The following PKHD1L1 variants were observed in gnomAD, a reference collection of about 807,000 sequenced individuals.
The protein encoded by PKHD1L1 is PKHD1 like 1, also known as fibrocystin-L.
In PKHD1L1, 434 loss-of-function variants were observed where a neutral mutation model predicts 462.9. The ratio of observed to expected loss-of-function variants is 0.94; its 90% CI spans 0.87 to 1.02. The LOEUF (loss-of-function observed/expected upper bound fraction) is 1.02, where lower values mean the gene tolerates loss of function less well. Ranked by LOEUF, PKHD1L1 falls within the 50% of genes least tolerant of loss-of-function variation. The pLI, the probability that PKHD1L1 is intolerant of heterozygous loss-of-function variation, is 0.00. For missense variants in PKHD1L1, 5,202 were observed against 5,096.1 expected (o/e 1.02, Z -0.63); for synonymous variants, 1,781 against 1,750.0 (o/e 1.02, Z -0.44).
At chr8:109,373,160 T>G (rs1811609412) in intron 2 of PKHD1L1, among the ~76,000 whole-genome samples, 1 of 152,202 alleles carries the variant, frequency 6.6e-6, no homozygotes, top group South Asian at 2.1e-4. Context: ...GGTAAGCTAT[T>G]AATTATTGCC....
chr8:109,395,401 G>T (rs1812918783), intron 10 of PKHD1L1, among the ~76,000 whole-genome samples: 1 of 152,202 alleles, frequency 6.6e-6, no homozygotes, highest in African/African-American at 2.4e-5. Context: ...GTTAAAAAAG[G>T]TGGGTCTTGG....
chr8:109,372,841 C>T (rs1169080474), intron 2 of PKHD1L1, among the ~76,000 whole-genome samples: 1 of 152,170 alleles, frequency 6.6e-6, no homozygotes, highest in Non-Finnish European at 1.5e-5. Context: ...AGCCTTGCAT[C>T]CCAGGGATGA....
At chr8:109,446,584 G>T (rs1344905923) in intron 38 of PKHD1L1, among the ~76,000 whole-genome samples, 15 of 152,152 alleles carry the variant, frequency 9.9e-5, no homozygotes, top group African/African-American at 3.6e-4. Context: ...CAACGAGTTT[G>T]CTGTCGAAAT....
intron 5 of PKHD1L1, 68 bp from the exon 6 acceptor site, chr8:109,385,468 GT>G: frequency 1.0e-6 from 1 of 985,390 alleles, no homozygotes; most frequent in Admixed American, 2.6e-5. Flanking sequence ...AATCTCTTAT[GT>G]TTTCGTATTA....
At position 109,488,480 on chromosome 8, in the gene PKHD1L1, TA is replaced by T. The variant is rs573043003; in HGVS notation, c.9881-1470del. 1.8e-3 allele frequency among the ~76,000 whole-genome samples: 279 copies of T among 152,116 alleles called. 1 individual carries two copies. Among genetic ancestry groups the T allele is most frequent in the African/African-American group, 6.5e-3 (268 of 41,532 alleles). ...GCAAGCACATATTGTAATTTTTTTC[TA>T]AGACTGGAACTCATTGTTCCTCCAA... On this transcript the variant is annotated intron_variant, in intron 59 of 77. Coordinates refer to ENST00000378402, the MANE Select transcript of PKHD1L1 (RefSeq NM_177531.6).
intron 46 of PKHD1L1, among the ~76,000 whole-genome samples, chr8:109,459,369 G>A (rs958875786): frequency 5.9e-5 from 9 of 152,208 alleles, no homozygotes; most frequent in South Asian, 2.1e-4. Flanking sequence ...TTCTAGGAAC[G>A]AATGTAGACC....
rs1403458624 is a variant in PKHD1L1 at position 109,522,310 on chromosome 8, C to T, written c.12156C>T (p.Pro4052=). 2 of 1,605,964 alleles carry T rather than the reference C, an allele frequency of 1.2e-6. No individual in the cohort carries two copies. The highest frequency in any genetic ancestry group is 2.3e-5 in the East Asian group (1 of 44,364). The change falls in exon 74 of 78, where the codon CCC becomes CCT. Residue 4052 remains proline (P), a synonymous_variant. Transcript: ENST00000378402. ...ISSMSITNPL[P]SPSDSGWIKV... is the part of the protein sequence containing the mutation. Reference sequence around the variant, plus strand: ...CCATGTCTATTACTAATCCCCTCCCCAGCCCAAGTGACTCTGGGTGGATTA... The same window carrying T: ...CCATGTCTATTACTAATCCCCTCCCTAGCCCAAGTGACTCTGGGTGGATTA...
chr8:109,375,141 T>C lies in PKHD1L1; in HGVS notation c.164-6229T>C, dbSNP rs1464885404. 2.6e-5 allele frequency among the ~76,000 whole-genome samples: 4 copies of C among 152,346 alleles called. No homozygotes were observed. The East Asian group carries it at 5.8e-4, about 22-fold the overall frequency. On this transcript the variant is annotated intron_variant, in intron 2 of 77. Coordinates refer to ENST00000378402, the MANE Select transcript of PKHD1L1 (RefSeq NM_177531.6). ...TCCCAGTCACTTTCAGGTACACCAA[T>C]TAGACGTAGATTTGGTCTTTTCACA...
chr8:109,508,636 C>T (rs73700611), intron 70 of PKHD1L1, among the ~76,000 whole-genome samples: 2,258 of 152,154 alleles, frequency 0.015, 27 homozygotes, highest in Middle Eastern at 0.051. Context: ...ATTGACCTAA[C>T]GTATATTAAA....
rs751058194 is a variant in PKHD1L1 at position 109,400,234 on chromosome 8, C to T, written c.1171C>T (p.Arg391Cys). ...CATGGAACAAGACACATTTGTTGCA[C>T]GCTTTAGTGGATTTTTGGTGGCTCC... Reference protein sequence around the residue: ...WLMEQDTFVARFSGFLVAPDS... With the variant: ...WLMEQDTFVACFSGFLVAPDS... The change falls in exon 13 of 78, where the codon CGC (arginine) becomes TGC (cysteine). Residue 391 changes from arginine (R) to cysteine (C), a missense_variant. Around this residue, in one of 3 missense-constraint regions of PKHD1L1, gnomAD observed 4,497 missense variants for 4,336.8 expected, o/e 1.04. Transcript: ENST00000378402. The T allele has an allele frequency of 7.7e-5, 124 of 1,613,600 alleles. 1 individual carries two copies. Among genetic ancestry groups the T allele is most frequent in the South Asian group, 6.7e-4 (61 of 91,072 alleles).
At chr8:109,405,868 T>A (rs1813509883) in intron 16 of PKHD1L1, among the ~76,000 whole-genome samples, 1 of 152,074 alleles carries the variant, frequency 6.6e-6, no homozygotes, top group South Asian at 2.1e-4. Context: ...AAATAAAAAA[T>A]TTAAAAGGAA....
At chr8:109,472,948 A>C (rs1817798053) in intron 50 of PKHD1L1, among the ~76,000 whole-genome samples, 1 of 152,148 alleles carries the variant, frequency 6.6e-6, no homozygotes, top group Non-Finnish European at 1.5e-5. Flanking sequence ...CATCTCATGC[A>C]TGATGGTATA....
intron 54 of PKHD1L1, 97 bp from the exon 55 acceptor site, chr8:109,479,894 A>G (rs1197711998): frequency 4.2e-6 from 5 of 1,192,474 alleles, no homozygotes; most frequent in Non-Finnish European, 5.7e-6. Flanking sequence ...CATGTCATAA[A>G]CACTCAAAAC....
At position 109,461,867 on chromosome 8, in the gene PKHD1L1, C is replaced by T; in HGVS notation, c.7342C>T (p.Pro2448Ser). Reference protein sequence around the residue: ...GGCVMFHAPVPGANMVTGRIE... With the variant: ...GGCVMFHAPVSGANMVTGRIE... ...CTGCGTTATGTTTCATGCTCCTGTA[C>T]CTGGTGCTAACATGGTAACTGGGAG... The change falls in exon 48 of 78, where the codon CCT becomes TCT. Residue 2448 changes from proline to serine, a missense_variant. Transcript: ENST00000378402. The T allele has an allele frequency of 1.2e-6, 2 of 1,605,030 alleles. No individual in the cohort carries two copies. The highest frequency in any genetic ancestry group is 2.2e-5 in the East Asian group (1 of 44,662).
rs1373379069 is a variant in PKHD1L1 at position 109,406,490 on chromosome 8, C to G, written c.1813+12C>G. On this transcript the variant is annotated intron_variant, in intron 17 of 77. Coordinates refer to ENST00000378402, the MANE Select transcript of PKHD1L1 (RefSeq NM_177531.6). ...CATATCAACTAGAGGTAAGCATGTA[C>G]TTAATTTTGTACTTCTGTAGGAAAC... 1 of 1,582,434 alleles carries G rather than the reference C, an allele frequency of 6.3e-7. No homozygotes were observed. The highest frequency in any genetic ancestry group is 8.6e-7 in the Non-Finnish European group (1 of 1,165,210).
intron 63 of PKHD1L1, among the ~76,000 whole-genome samples, chr8:109,494,109 G>T (rs1268218783): frequency 2.0e-5 from 3 of 151,822 alleles, no homozygotes; most frequent in Non-Finnish European, 4.4e-5. Flanking sequence ...CTTCTGCTTT[G>T]ATAGAATAAA....
In PKHD1L1 at chr8:109,400,222, A is replaced by G. The variant is rs766630436; in HGVS notation, c.1159A>G (p.Thr387Ala). 6.2e-7 allele frequency: 1 copy of G among 1,613,732 alleles called. No individual in the cohort carries two copies. The highest frequency in any genetic ancestry group is 2.2e-5 in the East Asian group (1 of 44,866). Residue 387 changes from threonine to alanine, a missense_variant, in exon 13 of 78, where the codon ACA (threonine) becomes GCA (alanine). Around this residue, in one of 3 missense-constraint regions of PKHD1L1, gnomAD observed 4,497 missense variants for 4,336.8 expected, o/e 1.04. Coordinates refer to ENST00000378402, the MANE Select transcript of PKHD1L1 (RefSeq NM_177531.6). The part of the protein sequence containing the change: ...ASYIWLMEQD[T>A]FVARFSGFLV... ...CTATATTTGGCTCATGGAACAAGACACATTTGTTGCACGCTTTAGTGGATT... is the reference window on the plus strand; with the variant it reads ...CTATATTTGGCTCATGGAACAAGACGCATTTGTTGCACGCTTTAGTGGATT...
Position 109,362,539 on chromosome 8 carries a change from G to C in PKHD1L1, c.-42G>C, listed in dbSNP as rs756334850. 1.4e-5 allele frequency: 22 copies of C among 1,544,622 alleles called. 1 individual carries two copies. Among genetic ancestry groups the C allele is most frequent in the South Asian group, 2.4e-5 (2 of 84,634 alleles). On this transcript the variant is annotated 5_prime_UTR_variant, in exon 1 of 78. Coordinates refer to ENST00000378402, the MANE Select transcript of PKHD1L1 (RefSeq NM_177531.6). ...GAGCCGAGCTCCAGCACTAGAGCCAGCTGCGAGCGGAGGGCACCAACTCCG... is the reference window on the plus strand; with the variant it reads ...GAGCCGAGCTCCAGCACTAGAGCCACCTGCGAGCGGAGGGCACCAACTCCG...
intron 9 of PKHD1L1, among the ~76,000 whole-genome samples, chr8:109,391,436 T>G (rs1812706880): frequency 6.6e-6 from 1 of 152,196 alleles, no homozygotes; most frequent in Admixed American, 6.5e-5. Flanking sequence ...ATAGCAGGAT[T>G]TCCCCACTCT....
Sources: gnomAD v4.1 joint callset for allele counts (sites outside exome capture counted in the v4.1 genomes callset) on GRCh38, gnomAD v4.1.1 for gene constraint, gnomAD v4.1.1 regional missense constraint, MANE v1.5 for transcripts, NCBI Gene and HGNC (gene_info 2026-07-23, HGNC 2026-07-21) for gene names.